The following CEMIP2 variants were observed in gnomAD, a reference collection of about 807,000 sequenced individuals.
CEMIP2 encodes cell surface hyaluronidase CEMIP2.
A neutral mutation model predicts 146.9 loss-of-function variants in CEMIP2; 79 were observed. That is an observed-to-expected ratio of 0.54 (90% CI 0.45 to 0.65). CEMIP2 has a LOEUF of 0.65. Among genes scored for constraint, CEMIP2 ranks in the 30% least tolerant of loss-of-function variants. The pLI, the probability that CEMIP2 is intolerant of heterozygous loss-of-function variation, is 0.00. For synonymous variants in CEMIP2, 601 were observed against 606.3 expected (o/e 0.99, Z 0.13); for missense variants, 1,596 against 1,696.2 (o/e 0.94, Z 1.04).
chr9:71,758,950 T>G (rs112976038), intron 1 of CEMIP2, among the ~76,000 whole-genome samples: 1 of 152,340 alleles, frequency 6.6e-6, no homozygotes, highest in Middle Eastern at 3.4e-3. Context: ...AAAATCAGTA[T>G]GAGTCACAAT....
At chr9:71,705,019 C>A in intron 17 of CEMIP2, 1 of 530,964 alleles carries the variant, frequency 1.9e-6, no homozygotes, top group Non-Finnish European at 3.4e-6. Context: ...CTCTGCTAGC[C>A]AAGATCTTCA....
Position 71,690,255 on chromosome 9 carries a change from G to A in CEMIP2, c.3697-9C>T. ...AAGTCAGTGCCATTGACCTGAGAAT[G>A]CAAAAACATCTTCTGCTGTCATCAT... On this transcript the variant is annotated splice_polypyrimidine_tract_variant and intron_variant, in intron 21 of 23. Coordinates refer to ENST00000377044, the MANE Select transcript of CEMIP2 (RefSeq NM_013390.3). 3 of 1,611,740 alleles carry A rather than the reference G, an allele frequency of 1.9e-6. No homozygotes were observed. The highest frequency in any genetic ancestry group is 2.5e-6 in the Non-Finnish European group (3 of 1,178,816).
intron 1 of CEMIP2, among the ~76,000 whole-genome samples, chr9:71,760,578 C>CTT (rs1824602869): frequency 6.6e-6 from 1 of 151,266 alleles, no homozygotes; most frequent in Non-Finnish European, 1.5e-5. Context: ...TAATGCTTGA[C>CTT]CCTAAAGCCA....
At chr9:71,719,596 C>G (rs947864237) in intron 12 of CEMIP2, among the ~76,000 whole-genome samples, 11 of 152,108 alleles carry the variant, frequency 7.2e-5, no homozygotes, top group Middle Eastern at 3.2e-3. Flanking sequence ...GTGTTTCAGA[C>G]AGATGCATGT....
intron 5 of CEMIP2, among the ~76,000 whole-genome samples, chr9:71,738,285 G>T (rs1427731084): frequency 6.6e-6 from 1 of 152,152 alleles, no homozygotes; most frequent in Admixed American, 6.5e-5. Flanking sequence ...GGCTGAGATC[G>T]ACAGATCGCT....
intron 17 of CEMIP2, among the ~76,000 whole-genome samples, chr9:71,705,438 G>T (rs1822705743): frequency 6.6e-6 from 1 of 152,074 alleles, no homozygotes; most frequent in Non-Finnish European, 1.5e-5. Context: ...TCCTACAAAG[G>T]AAAATTCTTA....
intron 19 of CEMIP2, among the ~76,000 whole-genome samples, chr9:71,698,915 T>A (rs1221488384): frequency 1.3e-5 from 2 of 152,052 alleles, no homozygotes. Context: ...TCAAGTGTGA[T>A]TGATTACTAG....
chr9:71,720,152 T>A (rs964799720), intron 12 of CEMIP2, among the ~76,000 whole-genome samples: 6 of 152,226 alleles, frequency 3.9e-5, no homozygotes, highest in African/African-American at 1.4e-4. Flanking sequence ...TACTAGGTGG[T>A]TCTAATGCCC....
chr9:71,769,089 G>C (rs1824894964), upstream of CEMIP2, among the ~76,000 whole-genome samples: 1 of 152,138 alleles, frequency 6.6e-6, no homozygotes, highest in Admixed American at 6.5e-5. Flanking sequence ...CGGCGGGGCA[G>C]AGCCCCAGCC....
At chr9:71,768,115 G>A (rs949471149) in intron 1 of CEMIP2, among the ~76,000 whole-genome samples, 8 of 152,210 alleles carry the variant, frequency 5.3e-5, no homozygotes, top group African/African-American at 1.4e-4. Context: ...TAAGAAGAGA[G>A]GACTGACTCC....
rs772799008 is a variant in CEMIP2, at chr9:71,685,334, T to C, written c.4015A>G (p.Thr1339Ala). The C allele has an allele frequency of 6.3e-7, 1 of 1,592,972 alleles. No individual in the cohort carries two copies. The highest frequency in any genetic ancestry group is 8.5e-7 in the Non-Finnish European group (1 of 1,177,276). ...CCAAGGCCCTGTCCAGCAGGACTGGTAAATAGCTTAGTCCATGATGGTTTA... is the reference window on the plus strand; with the variant it reads ...CCAAGGCCCTGTCCAGCAGGACTGGCAAATAGCTTAGTCCATGATGGTTTA... ...NFKPSWTKLF[T>A]SPAGQGLGVL... Residue 1339 changes from threonine to alanine, a missense_variant, in exon 24 of 24, where the codon ACC (threonine) becomes GCC (alanine). Transcript: ENST00000377044.
intron 5 of CEMIP2, among the ~76,000 whole-genome samples, chr9:71,739,127 G>A (rs62549270): frequency 0.07 from 10,707 of 151,924 alleles, 533 homozygotes; most frequent in South Asian, 0.19. Context: ...AATATCTTAC[G>A]ATAACTAGAA....
intron 1 of CEMIP2, among the ~76,000 whole-genome samples, chr9:71,766,055 T>C (rs985716132): frequency 1.3e-5 from 2 of 151,696 alleles, no homozygotes; most frequent in African/African-American, 4.8e-5. Context: ...TAGTGATTAT[T>C]GTTTCTTCTT....
rs73647009 is a variant in CEMIP2, at chr9:71,730,922, T to A, written c.1564-8A>T. On this transcript the variant is annotated splice_region_variant and splice_polypyrimidine_tract_variant and intron_variant, in intron 7 of 23. Transcript: ENST00000377044. ...AGTAAAATTTTTCATTATCTGTAAG[T>A]CAAGGTACTAAAATCAAACTCATAC... The A allele has an allele frequency of 3.0e-3, 4,875 of 1,612,338 alleles. 126 individuals carry two copies. In the African/African-American group the frequency reaches 0.053, roughly 18 times the overall value.
chr9:71,705,823 A>G (rs1180453142), intron 17 of CEMIP2, among the ~76,000 whole-genome samples: 1 of 151,678 alleles, frequency 6.6e-6, no homozygotes, highest in African/African-American at 2.4e-5. Flanking sequence ...GTGTGTATAT[A>G]TATATAGGAG....
intron 2 of CEMIP2, among the ~76,000 whole-genome samples, chr9:71,748,510 G>T (rs977419431): frequency 1.3e-5 from 2 of 152,166 alleles, no homozygotes; most frequent in Non-Finnish European, 2.9e-5. Context: ...CCCTGTTTTA[G>T]ATGGAATATG....
rs983261075 is a variant in CEMIP2, at chr9:71,768,085, C to A, written c.-13+272G>T. 2.6e-5 allele frequency among the ~76,000 whole-genome samples: 4 copies of A among 152,186 alleles called. No homozygotes were observed. In the South Asian group the frequency reaches 8.3e-4, roughly 32 times the overall value. On this transcript the variant is annotated intron_variant, in intron 1 of 23. Coordinates refer to ENST00000377044, the MANE Select transcript of CEMIP2 (RefSeq NM_013390.3). ...AGTGGAGAGAAAGAAATCAAGACAC[C>A]GTTCCCGAGGACCCTTTCTTAAGAA...
intron 4 of CEMIP2, among the ~76,000 whole-genome samples, chr9:71,740,905 G>C (rs1301254415): frequency 6.6e-6 from 1 of 152,206 alleles, no homozygotes; most frequent in Non-Finnish European, 1.5e-5. Context: ...TGCTGAATTA[G>C]ATTGCTGGCC....
intron 4 of CEMIP2, among the ~76,000 whole-genome samples, 200 bp from the exon 5 acceptor site, chr9:71,740,432 T>C (rs1190798416): frequency 6.6e-6 from 1 of 152,248 alleles, no homozygotes; most frequent in Non-Finnish European, 1.5e-5. Context: ...ACTTTTTAAA[T>C]ACTTGTTTGT....
Sources: gnomAD v4.1 joint callset for allele counts (sites outside exome capture counted in the v4.1 genomes callset) on GRCh38, gnomAD v4.1.1 for gene constraint, MANE v1.5 for transcripts, NCBI Gene and HGNC (gene_info 2026-07-23, HGNC 2026-07-21) for gene names.